The following ANK2 variants were observed in gnomAD, a reference collection of about 807,000 sequenced individuals.
ANK2 encodes the protein ankyrin-2.
In ANK2, 83 loss-of-function variants were observed where a neutral mutation model predicts 360.5. That is an observed-to-expected ratio of 0.23 (90% CI 0.19 to 0.28). The LOEUF (loss-of-function observed/expected upper bound fraction) is 0.28. Among genes scored for constraint, ANK2 ranks in the 10% least tolerant of loss-of-function variants. The pLI is 1.00. For synonymous variants in ANK2, 1,740 were observed against 1,759.5 expected (o/e 0.99, Z 0.28); for missense variants, 4,201 against 4,795.7 (o/e 0.88, Z 3.66).
intron 5 of ANK2, among the ~76,000 whole-genome samples, chr4:113,236,040 A>G (rs2099377062): frequency 6.6e-6 from 1 of 152,120 alleles, no homozygotes. Context: ...GCCTGGCCCC[A>G]GTCTTTCAAT....
At chr4:113,337,311 G>T (rs1050686396) in intron 31 of ANK2, among the ~76,000 whole-genome samples, 3 of 152,124 alleles carry the variant, frequency 2.0e-5, no homozygotes, top group Admixed American at 6.5e-5. Context: ...CAACTTAAAG[G>T]TTTTCAGTGA....
upstream of ANK2, among the ~76,000 whole-genome samples, chr4:113,047,796 G>A (rs927259277): frequency 2.2e-4 from 33 of 152,086 alleles, no homozygotes; most frequent in African/African-American, 7.2e-4. Flanking sequence ...GGAGGAGGGT[G>A]GAGGGAGTGA....
At chr4:112,923,520 A>G (rs1338349043) in intron 2 of ANK2, among the ~76,000 whole-genome samples, 1 of 152,146 alleles carries the variant, frequency 6.6e-6, no homozygotes, top group Non-Finnish European at 1.5e-5. Context: ...GGGGAAAAAT[A>G]ACATGAGCTA....
At chr4:113,112,115 G>T (rs1008299348) in intron 1 of ANK2, among the ~76,000 whole-genome samples, 2 of 152,150 alleles carry the variant, frequency 1.3e-5, no homozygotes, top group Non-Finnish European at 2.9e-5. Flanking sequence ...ATTTTAAAAG[G>T]ATAATTTTAA....
chr4:112,879,815 A>G (rs1000518077), intron 1 of ANK2, among the ~76,000 whole-genome samples: 1 of 152,120 alleles, frequency 6.6e-6, no homozygotes, highest in African/African-American at 2.4e-5. Flanking sequence ...AATACTTTGC[A>G]CTTATCTACC....
chr4:113,186,587 T>TCTC (rs370477795), intron 2 of ANK2, among the ~76,000 whole-genome samples: 1,687 of 46,834 alleles, frequency 0.036, 136 homozygotes, highest in African/African-American at 0.14. Context: ...TCTCTCTCTC[T>TCTC]TCTCTCTCTC....
intron 1 of ANK2, among the ~76,000 whole-genome samples, chr4:113,099,566 T>C (rs1355560904): frequency 2.0e-5 from 3 of 152,010 alleles, no homozygotes; most frequent in Admixed American, 6.6e-5. Flanking sequence ...CTCAACTTGA[T>C]CTATAGACTC....
intron 4 of ANK2, among the ~76,000 whole-genome samples, chr4:113,220,528 A>G (rs566130369): frequency 6.6e-6 from 1 of 152,244 alleles, no homozygotes; most frequent in African/African-American, 2.4e-5. Flanking sequence ...AAATTTGTTT[A>G]CTTTCTCTAT....
intron 2 of ANK2, among the ~76,000 whole-genome samples, chr4:112,977,598 A>T (rs2041869105): frequency 6.6e-6 from 1 of 151,010 alleles, no homozygotes; most frequent in African/African-American, 2.4e-5. Context: ...AAGTTCTGGG[A>T]TACATGTGCT....
chr4:113,052,227 G>A (rs2154326502), intron 1 of ANK2, among the ~76,000 whole-genome samples: 1 of 152,272 alleles, frequency 6.6e-6, no homozygotes, highest in East Asian at 1.9e-4. Flanking sequence ...AAAGAGATAA[G>A]TATCCCTAAT....
chr4:112,913,611 C>G (rs1474904271), intron 2 of ANK2, among the ~76,000 whole-genome samples: 9 of 152,138 alleles, frequency 5.9e-5, no homozygotes, highest in African/African-American at 1.9e-4. Context: ...CTTGAATTCT[C>G]TGGATGGTTA....
intron 1 of ANK2, among the ~76,000 whole-genome samples, chr4:113,076,096 C>G (rs2079828477): frequency 6.6e-6 from 1 of 152,130 alleles, no homozygotes; most frequent in Non-Finnish European, 1.5e-5. Context: ...AAACACATTG[C>G]TTTAAGACAG....
chr4:112,931,433 C>CTTTTTTT (rs59802557), intron 2 of ANK2, among the ~76,000 whole-genome samples: 33 of 85,240 alleles, frequency 3.9e-4, no homozygotes, highest in Non-Finnish European at 5.2e-4. Flanking sequence ...TCTTTCTTTT[C>CTTTTTTT]TTTTTTTTTT....
intron 1 of ANK2, among the ~76,000 whole-genome samples, chr4:113,051,444 A>G (rs2066962508): frequency 6.6e-6 from 1 of 152,196 alleles, no homozygotes; most frequent in African/African-American, 2.4e-5. Context: ...CATCCTATGT[A>G]ATAACTATCA....
intron 14 of ANK2, 109 bp from the exon 15 acceptor site, chr4:113,274,343 T>G (rs952619746): frequency 5.8e-5 from 71 of 1,225,714 alleles, no homozygotes; most frequent in Middle Eastern, 2.2e-4. Flanking sequence ...TTCTTTTGGG[T>G]GGGGTTCCTA....
At chr4:112,947,595 AG>A (rs1308441570) in intron 2 of ANK2, among the ~76,000 whole-genome samples, 12 of 151,298 alleles carry the variant, frequency 7.9e-5, no homozygotes, top group South Asian at 2.1e-4. Flanking sequence ...CCAGAGAGCT[AG>A]GGGGAAGCAG....
chr4:113,145,801 C>G, intron 1 of ANK2: 1 of 1,269,464 alleles, frequency 7.9e-7, no homozygotes, highest in South Asian at 1.3e-5. Flanking sequence ...TAGTGTACCC[C>G]TGGGAGCCCT....
chr4:112,711,776 T>C, the ANK2 span, among the ~76,000 whole-genome samples: 2 of 151,374 alleles, frequency 1.3e-5, no homozygotes, highest in South Asian at 4.2e-4. Flanking sequence ...GCCGAGATCA[T>C]GCCATTGCAC....
In ANK2 at chr4:113,353,236, G is replaced by C. The variant is rs767390750; in HGVS notation, c.4618G>C (p.Ala1540Pro). ...TATTAAAGTGAAGGAGCTGGTGAAG[G>C]CTGCTGAGGAAGAGCCAGGAGAGCC... ...GSIKVKELVKAAEEEPGEPFE... is the reference protein window; with the variant it reads ...GSIKVKELVKPAEEEPGEPFE... The change falls in exon 38 of 46, where the codon GCT (alanine) becomes CCT (proline). Residue 1540 changes from alanine to proline, a missense_variant. Around this residue, in one of 4 missense-constraint regions of ANK2, gnomAD observed 1,268 missense variants for 1,650.8 expected, o/e 0.77. Coordinates refer to ENST00000357077, the MANE Select transcript of ANK2 (RefSeq NM_001148.6). The C allele has an allele frequency of 1.9e-5, 30 of 1,613,944 alleles. No homozygotes were observed. The highest frequency in any genetic ancestry group is 1.5e-4 in the South Asian group (14 of 91,086).
Sources: allele counts gnomAD v4.1 joint callset (sites outside exome capture counted in the v4.1 genomes callset), GRCh38; gene constraint gnomAD v4.1.1; regional missense constraint gnomAD v4.1.1; transcripts MANE v1.5; gene names NCBI Gene and HGNC (gene_info 2026-07-23, HGNC 2026-07-21).